SLC16A14: variants seen among roughly 807,000 people sequenced by gnomAD.
SLC16A14 encodes the protein monocarboxylate transporter 14.
Under a neutral mutation model 35.8 loss-of-function variants are expected in SLC16A14, and 14 were observed. The observed-to-expected ratio is 0.39, with a 90% CI of 0.26 to 0.61. SLC16A14 has a LOEUF of 0.61. Ranked by LOEUF, SLC16A14 falls within the 20% of genes least tolerant of loss-of-function variation. The pLI is 0.51. For synonymous variants in SLC16A14, 248 were observed against 258.9 expected, an observed-to-expected ratio of 0.96 and a Z score of 0.40; for missense variants, 533 against 655.0, an observed-to-expected ratio of 0.81 and a Z score of 2.03.
intron 1 of SLC16A14, among the ~76,000 whole-genome samples, chr2:230,063,591 A>T (rs958916555): frequency 1.3e-5 from 2 of 152,188 alleles, no homozygotes; most frequent in African/African-American, 4.8e-5. Flanking sequence ...TCAATAATAA[A>T]GTTCACACTT....
At chr2:230,042,865 T>G (rs1489516577) in intron 4 of SLC16A14, among the ~76,000 whole-genome samples, 1 of 152,170 alleles carries the variant, frequency 6.6e-6, no homozygotes, top group Non-Finnish European at 1.5e-5. Context: ...TCCTTCTCCC[T>G]GCTATAAATG....
chr2:230,055,165 A>G (rs1057412739), intron 2 of SLC16A14, among the ~76,000 whole-genome samples: 1 of 152,114 alleles, frequency 6.6e-6, no homozygotes, highest in African/African-American at 2.4e-5. Flanking sequence ...AGTGTTGCAT[A>G]TTCTTCCTCT....
chr2:230,067,101 T>C (rs1197512276), intron 1 of SLC16A14: 1 of 161,384 alleles, frequency 6.2e-6, no homozygotes, highest in African/African-American at 2.4e-5. Context: ...GGCTTCACCT[T>C]TAATTCTGCT....
At chr2:230,063,820 G>A (rs2077770369) in intron 1 of SLC16A14, among the ~76,000 whole-genome samples, 1 of 152,130 alleles carries the variant, frequency 6.6e-6, no homozygotes, top group Admixed American at 6.5e-5. Context: ...TCCTCAATAT[G>A]CCAGGTGTGG....
At position 230,066,173 on chromosome 2, in the gene SLC16A14, G is replaced by A. The variant is rs547728489; in HGVS notation, c.-15+2382C>T. Reference sequence around the variant, plus strand: ...TACAAAAATTAGCCAGTGTGGTGGTGCGCACCTATACTCACAGCTATGCAG... The same window carrying A: ...TACAAAAATTAGCCAGTGTGGTGGTACGCACCTATACTCACAGCTATGCAG... On this transcript the variant is annotated intron_variant, in intron 1 of 4. Transcript: ENST00000295190. Among the ~76,000 whole-genome samples, 16 of 152,178 alleles carry A rather than the reference G, an allele frequency of 1.1e-4. 1 individual carries two copies. The South Asian group carries it at 3.3e-3, about 32-fold the overall frequency.
intron 3 of SLC16A14, among the ~76,000 whole-genome samples, chr2:230,049,052 T>TTTATTATTATTATTATTA (rs60075593): frequency 7.9e-4 from 112 of 141,602 alleles, no homozygotes; most frequent in African/African-American, 2.7e-3. Context: ...CACAGGAGGC[T>TTTATTATTATTATTATTA]TTATTATTAT....
chr2:230,054,083 A>AGG (rs144813112), intron 2 of SLC16A14, among the ~76,000 whole-genome samples: 4,243 of 133,014 alleles, frequency 0.032, 85 homozygotes, highest in African/African-American at 0.058. Context: ...GTGCAGCCTG[A>AGG]GGTGGGGGGG....
intron 1 of SLC16A14, among the ~76,000 whole-genome samples, chr2:230,061,736 A>G (rs1330610303): frequency 6.7e-6 from 1 of 149,304 alleles, no homozygotes; most frequent in South Asian, 2.1e-4. Flanking sequence ...CTCAATTTGA[A>G]CAATATCTTT....
rs2077519505 is a variant in SLC16A14 at position 230,036,325 on chromosome 2, A to G, written c.*1055T>C. 6.6e-6 allele frequency: 1 copy of G among 152,244 alleles called. No homozygotes were observed. The highest frequency in any genetic ancestry group is 2.4e-5 in the African/African-American group (1 of 41,460). 9.4% of individuals were successfully genotyped at this position (152,244 alleles called of 1,614,324 possible). On this transcript the variant is annotated 3_prime_UTR_variant, in exon 5 of 5. Coordinates refer to ENST00000295190, the MANE Select transcript of SLC16A14 (RefSeq NM_152527.5). ...ACGCTCAGGCAAATGAATGGTCTAT[A>G]TAACAACACGAGAGTCTAGAGATGG...
chr2:230,050,301 A>T (rs2077649294), intron 2 of SLC16A14, among the ~76,000 whole-genome samples: 1 of 152,324 alleles, frequency 6.6e-6, no homozygotes, highest in East Asian at 1.9e-4. Flanking sequence ...AACACAGACT[A>T]CCTTCCCACA....
intron 4 of SLC16A14, among the ~76,000 whole-genome samples, chr2:230,040,313 G>A (rs367708188): frequency 7.9e-5 from 12 of 152,000 alleles, no homozygotes; most frequent in East Asian, 1.9e-4. Flanking sequence ...CCACTCCCCC[G>A]GGTTCAAGCA....
chr2:230,037,521 A>G lies in SLC16A14; in HGVS notation c.1392T>C (p.Tyr464=), dbSNP rs142122397. 1,198 of 1,607,054 alleles carry G rather than the reference A, an allele frequency of 7.5e-4. 12 individuals carry two copies. In the African/African-American group the frequency reaches 0.013, roughly 18 times the overall value. Residue 464 remains tyrosine, a synonymous_variant, in exon 5 of 5, where the codon TAT becomes TAC. Coordinates refer to ENST00000295190, the MANE Select transcript of SLC16A14 (RefSeq NM_152527.5). ...AAAAATCATATTTTTGCGTGATGTC[A>G]TAGATCCACCCTACAAAACAAAAAA... ...LLGPPFAGWI[Y]DITQKYDFSF...
Position 230,046,221 on chromosome 2 carries a change from G to T in SLC16A14, c.905C>A (p.Ser302Ter). 4.3e-6 allele frequency: 7 copies of T among 1,614,176 alleles called. No individual in the cohort carries two copies. Among genetic ancestry groups the T allele is most frequent in the Non-Finnish European group, 5.1e-6 (6 of 1,180,030 alleles). Residue 302 changes from serine (S) to a stop codon, truncating the protein, a stop_gained, in exon 4 of 5, where the codon TCG (serine) becomes TAG (stop). Coordinates refer to ENST00000295190, the MANE Select transcript of SLC16A14 (RefSeq NM_152527.5). LOFTEE classifies it high-confidence loss of function. This position sits in a 1 kb window ranked among gnomAD's most constrained non-coding sequence, Gnocchi z 5.0. ...RVRKGFEDWY[S>*]GYFGTASLFT... is the part of the protein sequence containing the mutation. The stretch of plus-strand genomic sequence containing the variant: ...TAGAGAGGCTGTCCCAAAGTAGCCC[G>T]AATACCAGTCCTCGAAGCCCTTCCT...
chr2:230,056,252 G>GTTTTTTTT (rs5839355), intron 2 of SLC16A14, among the ~76,000 whole-genome samples: 2 of 110,024 alleles, frequency 1.8e-5, no homozygotes, highest in Non-Finnish European at 3.7e-5. Context: ...TAATATTGGT[G>GTTTTTTTT]TTTTTTTTTT....
chr2:230,047,807 TG>T (rs1203273210), intron 3 of SLC16A14, among the ~76,000 whole-genome samples: 2 of 152,242 alleles, frequency 1.3e-5, no homozygotes, highest in African/African-American at 4.8e-5. Flanking sequence ...AATATATACA[TG>T]TATCAGAACA....
chr2:230,049,948 G>A (rs372683256), intron 2 of SLC16A14, 44 bp from the exon 3 acceptor site: 54 of 1,588,808 alleles, frequency 3.4e-5, no homozygotes, highest in East Asian at 2.0e-4. Context: ...AGGTGCTTCC[G>A]TTTTATTCTT....
intron 1 of SLC16A14, among the ~76,000 whole-genome samples, chr2:230,067,556 CTCTCT>C (rs1560485367): frequency 8.1e-5 from 12 of 148,694 alleles, no homozygotes; most frequent in Non-Finnish European, 8.9e-5. Flanking sequence ...CTCTCTCTCT[CTCTCT>C]CTCTCTCTCT....
chr2:230,047,722 T>C (rs937632671), intron 3 of SLC16A14, among the ~76,000 whole-genome samples: 2 of 152,260 alleles, frequency 1.3e-5, no homozygotes, highest in Admixed American at 6.5e-5. Flanking sequence ...AATTGCTAAA[T>C]GTAGATTTTA....
At chr2:230,044,081 A>C (rs2106247413) in intron 4 of SLC16A14, among the ~76,000 whole-genome samples, 1 of 152,328 alleles carries the variant, frequency 6.6e-6, no homozygotes, top group South Asian at 2.1e-4. Context: ...CTAATAGGGC[A>C]AAAGGGACAT....
Sources: allele counts gnomAD v4.1 joint callset (sites outside exome capture counted in the v4.1 genomes callset), GRCh38; gene constraint gnomAD v4.1.1; non-coding constraint Gnocchi (gnomAD v3.1); transcripts MANE v1.5; gene names NCBI Gene and HGNC (gene_info 2026-07-23, HGNC 2026-07-21).